Variants in SMAD5 observed in about 807,000 individuals in gnomAD.
SMAD5 encodes the protein MAD, mothers against decapentaplegic homolog 5.
Under a neutral mutation model 43.1 loss-of-function variants are expected in SMAD5, and 9 were observed. That is an observed-to-expected ratio of 0.21 (90% confidence interval 0.13 to 0.36). The LOEUF (loss-of-function observed/expected upper bound fraction) is 0.36, where lower values mean the gene tolerates loss of function less well. Ranked by LOEUF, SMAD5 falls within the 10% of genes least tolerant of loss-of-function variation. SMAD5 has a pLI of 1.00. For missense variants in SMAD5, 348 were observed against 574.0 expected, an observed-to-expected ratio of 0.61 and a Z score of 4.02; for synonymous variants, 190 against 192.4, an observed-to-expected ratio of 0.99 and a Z score of 0.10.
Position 136,172,441 on chromosome 5 carries a change from G to A in SMAD5, c.783G>A (p.Gln261=). ...IMPSISSRDV[Q]PVAYEEPKHW... ...TGTCTGGTTTGTTCACAGATGTTCA[G>A]CCTGTTGCCTATGAAGAGCCTAAAC... The change falls in exon 6 of 8, where the codon CAG becomes CAA. Residue 261 remains glutamine, a synonymous_variant. Coordinates refer to ENST00000545279, the MANE Select transcript of SMAD5 (RefSeq NM_005903.7). The A allele has an allele frequency of 5.0e-6, 8 of 1,596,874 alleles. No homozygotes were observed. Among genetic ancestry groups the A allele is most frequent in the Non-Finnish European group, 6.9e-6 (8 of 1,165,588 alleles).
chr5:136,143,470 A>G (rs1225713752), intron 1 of SMAD5, among the ~76,000 whole-genome samples: 1 of 152,052 alleles, frequency 6.6e-6, no homozygotes, highest in African/African-American at 2.4e-5. Flanking sequence ...TACTTCTAGC[A>G]GTCTGACTCC....
intron 7 of SMAD5, among the ~76,000 whole-genome samples, chr5:136,176,633 AC>A (rs1268322437): frequency 6.6e-6 from 1 of 151,402 alleles, no homozygotes; most frequent in Non-Finnish European, 1.5e-5. Flanking sequence ...TCTTTAACAT[AC>A]CCCAATCTAC....
intron 3 of SMAD5, among the ~76,000 whole-genome samples, chr5:136,160,131 G>A (rs1753777237): frequency 1.3e-5 from 2 of 152,140 alleles, no homozygotes; most frequent in Admixed American, 1.3e-4. Flanking sequence ...TGTTAAAAAT[G>A]TTTAGACTTT....
At chr5:136,157,673 T>G (rs1425470794) in intron 3 of SMAD5, among the ~76,000 whole-genome samples, 2 of 152,116 alleles carry the variant, frequency 1.3e-5, no homozygotes, top group African/African-American at 4.8e-5. Flanking sequence ...CCTATGAGAA[T>G]CTCATGCTGC....
chr5:136,132,910 G>C lies in SMAD5; in HGVS notation c.-297G>C, dbSNP rs1322437222. The C allele has an allele frequency of 6.6e-6, 1 of 152,292 alleles. No individual in the cohort carries two copies. The highest frequency in any genetic ancestry group is 1.5e-5 in the Non-Finnish European group (1 of 68,072). 9.4% of individuals were successfully genotyped at this position (152,292 alleles called of 1,614,324 possible). A position where few individuals can be genotyped will look rare whatever the true frequency, so the allele number is the denominator to read the frequency against. On this transcript the variant is annotated 5_prime_UTR_variant, in exon 1 of 8. Transcript: ENST00000545279. The stretch of plus-strand genomic sequence containing the variant: ...CGGCCGAGCTGCTAATAAAGTTGCA[G>C]CGAGGAGAAGCGCAGCGACGGCGTC...
intron 1 of SMAD5, chr5:136,133,391 C>T: frequency 6.5e-6 from 1 of 152,676 alleles, no homozygotes; most frequent in Non-Finnish European, 1.5e-5. Flanking sequence ...GCCTGGGCTG[C>T]TGCACTGCGA....
At chr5:136,165,367 GT>G (rs925145765) in intron 5 of SMAD5, among the ~76,000 whole-genome samples, 34 of 150,326 alleles carry the variant, frequency 2.3e-4, no homozygotes, top group Non-Finnish European at 3.6e-4. Context: ...GGCTGGCCCT[GT>G]TTTTTTTTGT....
intron 1 of SMAD5, among the ~76,000 whole-genome samples, chr5:136,146,929 A>AAT (rs937406822): frequency 6.6e-6 from 1 of 151,674 alleles, no homozygotes; most frequent in African/African-American, 2.4e-5. Flanking sequence ...TGTGGTGTTA[A>AAT]ATAGAAAATG....
chr5:136,135,062 C>G (rs1173920388), intron 1 of SMAD5, among the ~76,000 whole-genome samples: 1 of 152,122 alleles, frequency 6.6e-6, no homozygotes, highest in African/African-American at 2.4e-5. Context: ...GTATTATCTG[C>G]GTGTCTGGTT....
chr5:136,174,556 C>G lies in SMAD5; in HGVS notation c.1178C>G (p.Ala393Gly). 6.2e-7 allele frequency: 1 copy of G among 1,613,520 alleles called. No individual in the cohort carries two copies. Among genetic ancestry groups the G allele is most frequent in the East Asian group, 2.2e-5 (1 of 44,886 alleles). ...FNNQEFAQLLAQSVNHGFEAV... is the reference protein window; with the variant it reads ...FNNQEFAQLLGQSVNHGFEAV... ...AATCAGGAGTTTGCTCAGCTTCTGG[C>G]TCAATCTGTCAACCATGGGTTTGAG... The change falls in exon 7 of 8, where the codon GCT becomes GGT. Residue 393 changes from alanine to glycine, a missense_variant. This residue lies in a region of SMAD5 where 97 missense variants were observed against 211.8 expected (regional missense o/e 0.46). Coordinates refer to ENST00000545279, the MANE Select transcript of SMAD5 (RefSeq NM_005903.7).
chr5:136,153,859 G>A lies in SMAD5; in HGVS notation c.99G>A (p.Lys33=). The change falls in exon 3 of 8, where the codon AAG becomes AAA. Residue 33 remains lysine (K), a synonymous_variant. Transcript: ENST00000545279. ...ATGAGGAGGAGAAATGGGCAGAAAA[G>A]GCAGTTGATGCTTTGGTGAAGAAAC... ...QGDEEEKWAE[K]AVDALVKKLK... is the part of the protein sequence containing the mutation. The A allele has an allele frequency of 1.9e-6, 3 of 1,613,914 alleles. No individual in the cohort carries two copies. Among genetic ancestry groups the A allele is most frequent in the Non-Finnish European group, 2.5e-6 (3 of 1,179,856 alleles).
At chr5:136,156,003 A>G (rs1753623695) in intron 3 of SMAD5, among the ~76,000 whole-genome samples, 1 of 152,108 alleles carries the variant, frequency 6.6e-6, no homozygotes, top group African/African-American at 2.4e-5. Context: ...ATTACCTCAC[A>G]GTTTCTTTGG....
In SMAD5 at chr5:136,174,542, T is replaced by C. The variant is rs1371722585; in HGVS notation, c.1164T>C (p.Phe388=). The C allele has an allele frequency of 6.2e-7, 1 of 1,613,846 alleles. No homozygotes were observed. ...CSLKIFNNQE[F]AQLLAQSVNH... is the part of the protein sequence containing the mutation. ...TCAAAATTTTTAACAATCAGGAGTT[T>C]GCTCAGCTTCTGGCTCAATCTGTCA... The change falls in exon 7 of 8, where the codon TTT becomes TTC. Residue 388 remains phenylalanine, a synonymous_variant. Coordinates refer to ENST00000545279, the MANE Select transcript of SMAD5 (RefSeq NM_005903.7).
rs572337061 is a variant in SMAD5 at position 136,142,621 on chromosome 5, C to T, written c.-244-5211C>T. Among the ~76,000 whole-genome samples, 9 of 152,022 alleles carry T rather than the reference C, an allele frequency of 5.9e-5. No individual in the cohort carries two copies. In the East Asian group the frequency reaches 1.7e-3, roughly 29 times the overall value. Reference sequence around the variant, plus strand: ...ATTATCAAGTCAAGTCTTCATAAACCAAAGGTATACTATGAAAGGCCAAGA... The same window carrying T: ...ATTATCAAGTCAAGTCTTCATAAACTAAAGGTATACTATGAAAGGCCAAGA... On this transcript the variant is annotated intron_variant, in intron 1 of 7. Coordinates refer to ENST00000545279, the MANE Select transcript of SMAD5 (RefSeq NM_005903.7).
chr5:136,146,677 C>G (rs775900556), intron 1 of SMAD5, among the ~76,000 whole-genome samples: 3 of 151,586 alleles, frequency 2.0e-5, no homozygotes, highest in Non-Finnish European at 4.4e-5. Flanking sequence ...AAATTTTGGA[C>G]CAAGGTGTTA....
chr5:136,163,238 T>G (rs764198797), intron 4 of SMAD5, 34 bp from the exon 5 acceptor site: 1 of 1,566,836 alleles, frequency 6.4e-7, no homozygotes, highest in Non-Finnish European at 8.6e-7. Context: ...TTGAGCAGAA[T>G]GAAGATTTTA....
At chr5:136,135,160 G>T (rs2149756261) in intron 1 of SMAD5, among the ~76,000 whole-genome samples, 1 of 152,300 alleles carries the variant, frequency 6.6e-6, no homozygotes, top group Admixed American at 6.5e-5. Context: ...AATTTCAGTG[G>T]GAGACAGTGG....
intron 1 of SMAD5, among the ~76,000 whole-genome samples, chr5:136,138,454 A>G (rs1268093602): frequency 2.0e-5 from 3 of 152,244 alleles, no homozygotes; most frequent in South Asian, 4.1e-4. Flanking sequence ...CTTATAAAGA[A>G]TAGGATTTCT....
intron 2 of SMAD5, among the ~76,000 whole-genome samples, chr5:136,149,228 A>G (rs987136985): frequency 3.3e-5 from 5 of 151,858 alleles, no homozygotes; most frequent in Admixed American, 1.3e-4. Context: ...TACCCACTCT[A>G]CTGCTGATGA....
Sources: allele counts gnomAD v4.1 joint callset (sites outside exome capture counted in the v4.1 genomes callset), GRCh38; gene constraint gnomAD v4.1.1; regional missense constraint gnomAD v4.1.1; transcripts MANE v1.5; gene names NCBI Gene and HGNC (gene_info 2026-07-23, HGNC 2026-07-21).